NRP1: variants seen among roughly 807,000 people sequenced by gnomAD.
NRP1 encodes neuropilin-1.
A neutral mutation model predicts 106.7 loss-of-function variants in NRP1; 35 were observed. That is an observed-to-expected ratio of 0.33 (90% confidence interval 0.25 to 0.43). NRP1 has a LOEUF of 0.43. NRP1 is among the 20% of genes least tolerant of loss of function. The probability of loss-of-function intolerance (pLI) is 1.00; values close to 1 mark genes in which losing one functional copy is unlikely to be tolerated. For synonymous variants in NRP1, 437 were observed against 417.9 expected (o/e 1.05, Z -0.56); for missense variants, 1,024 against 1,170.4 (o/e 0.87, Z 1.83).
At chr10:33,310,807 T>C (rs1846552796) in intron 2 of NRP1, among the ~76,000 whole-genome samples, 1 of 152,244 alleles carries the variant, frequency 6.6e-6, no homozygotes, top group Admixed American at 6.5e-5. Flanking sequence ...CTAATGTATT[T>C]AGTTTTTAAC....
At chr10:33,316,163 C>T (rs2132835096) in intron 2 of NRP1, among the ~76,000 whole-genome samples, 1 of 152,308 alleles carries the variant, frequency 6.6e-6, no homozygotes, top group East Asian at 1.9e-4. Context: ...CTTCTGGAGG[C>T]TGATGCAATC....
chr10:33,191,522 C>T (rs1010262255), intron 13 of NRP1, among the ~76,000 whole-genome samples: 1 of 152,124 alleles, frequency 6.6e-6, no homozygotes, highest in East Asian at 1.9e-4. Context: ...TATGCTTGGA[C>T]TTGTTTGAAA....
chr10:33,317,378 A>T (rs11009338), intron 2 of NRP1, among the ~76,000 whole-genome samples: 38,667 of 152,234 alleles, frequency 0.25, 6,073 homozygotes, highest in Non-Finnish European at 0.36. Flanking sequence ...CATAACCAGA[A>T]ATGCAGGAAG....
intron 13 of NRP1, among the ~76,000 whole-genome samples, chr10:33,187,040 A>T (rs760999748): frequency 6.7e-6 from 1 of 148,416 alleles, no homozygotes; most frequent in Non-Finnish European, 1.5e-5. Context: ...AAAAAGATTA[A>T]TTTTTTTTTT....
Position 33,256,441 on chromosome 10 carries a change from T to G in NRP1, c.689A>C (p.Gln230Pro), listed in dbSNP as rs754150577. Reference protein sequence around the residue: ...VGPHIGRYCGQKTPGRIRSSS... With the variant: ...VGPHIGRYCGPKTPGRIRSSS... ...GGATCGGATTCGACCTGGTGTTTTCTGTCCACAGTAACGCCCAATGTGAGG... is the reference window on the plus strand; with the variant it reads ...GGATCGGATTCGACCTGGTGTTTTCGGTCCACAGTAACGCCCAATGTGAGG... The change falls in exon 5 of 17, where the codon CAG (glutamine) becomes CCG (proline). Residue 230 changes from glutamine (Q) to proline (P), a missense_variant. Physicochemically the swap from Gln to Pro is moderately conservative, Grantham distance 76. Coordinates refer to ENST00000374867, the MANE Select transcript of NRP1 (RefSeq NM_003873.7). The G allele has an allele frequency of 3.1e-6, 5 of 1,614,222 alleles. No homozygotes were observed. The South Asian group carries it at 4.4e-5, about 14-fold the overall frequency.
intron 7 of NRP1, among the ~76,000 whole-genome samples, chr10:33,222,935 C>T (rs1351382478): frequency 6.6e-6 from 1 of 152,230 alleles, no homozygotes; most frequent in Non-Finnish European, 1.5e-5. Flanking sequence ...CGGGGGGCTG[C>T]AGCAGCATTC....
At chr10:33,310,634 G>A (rs1214459940) in intron 2 of NRP1, among the ~76,000 whole-genome samples, 1 of 152,090 alleles carries the variant, frequency 6.6e-6, no homozygotes, top group Admixed American at 6.5e-5. Context: ...TAACATCCTG[G>A]CCTCCATCTC....
intron 2 of NRP1, among the ~76,000 whole-genome samples, chr10:33,284,330 T>C (rs1844356729): frequency 6.6e-6 from 1 of 152,234 alleles, no homozygotes; most frequent in Admixed American, 6.5e-5. Flanking sequence ...GACTGCCCTT[T>C]ATGCATAAAA....
In NRP1 at chr10:33,269,407, C is replaced by T. The variant is rs548957265; in HGVS notation, c.430+1268G>A. Among the ~76,000 whole-genome samples the T allele has an allele frequency of 2.6e-5, 4 of 152,352 alleles. No individual in the cohort carries two copies. The East Asian group carries it at 7.7e-4, about 29-fold the overall frequency. On this transcript the variant is annotated intron_variant, in intron 3 of 16. Coordinates refer to ENST00000374867, the MANE Select transcript of NRP1 (RefSeq NM_003873.7). ...CTCCTGGGCTCAGGCAGCCCTCCCACCTCAACCTCCTAAGTAGCTGGAACT... is the reference window on the plus strand; with the variant it reads ...CTCCTGGGCTCAGGCAGCCCTCCCATCTCAACCTCCTAAGTAGCTGGAACT...
chr10:33,279,345 G>A (rs1430925401), intron 2 of NRP1, among the ~76,000 whole-genome samples: 1 of 152,182 alleles, frequency 6.6e-6, no homozygotes, highest in Non-Finnish European at 1.5e-5. Context: ...GATCCTCCTG[G>A]AAGCTCACAC....
intron 11 of NRP1, among the ~76,000 whole-genome samples, chr10:33,200,690 C>A (rs1352494036): frequency 4.6e-5 from 7 of 152,148 alleles, no homozygotes; most frequent in Admixed American, 4.6e-4. Flanking sequence ...AAAAAGGATG[C>A]AAAATTGCTT....
chr10:33,255,383 G>A (rs1461243434), intron 5 of NRP1, among the ~76,000 whole-genome samples: 1 of 152,122 alleles, frequency 6.6e-6, no homozygotes, highest in African/African-American at 2.4e-5. Context: ...AACACCCCCT[G>A]TCCTCTCCCT....
intron 2 of NRP1, among the ~76,000 whole-genome samples, chr10:33,304,922 T>C (rs1315386523): frequency 6.6e-6 from 1 of 152,246 alleles, no homozygotes; most frequent in Non-Finnish European, 1.5e-5. Context: ...AGCAGAAGCA[T>C]CCATGCAACC....
intron 9 of NRP1, chr10:33,213,116 G>T: frequency 1.1e-6 from 1 of 871,794 alleles, no homozygotes; most frequent in Non-Finnish European, 1.7e-6. Context: ...GGGCTTCCCC[G>T]TCTCCTGTCT....
intron 8 of NRP1, among the ~76,000 whole-genome samples, chr10:33,216,597 G>A (rs1838795622): frequency 6.6e-6 from 1 of 151,900 alleles, no homozygotes; most frequent in South Asian, 2.1e-4. Flanking sequence ...AGGACTACAT[G>A]TGGATGCTAC....
intron 6 of NRP1, among the ~76,000 whole-genome samples, chr10:33,245,750 T>C (rs1160953855): frequency 6.7e-6 from 1 of 149,706 alleles, no homozygotes; most frequent in Non-Finnish European, 1.5e-5. Context: ...GACAAAAGGA[T>C]GCCTGTATCC....
intron 6 of NRP1, among the ~76,000 whole-genome samples, chr10:33,230,796 G>A (rs534230072): frequency 2.0e-5 from 3 of 152,134 alleles, no homozygotes; most frequent in African/African-American, 7.2e-5. Context: ...TTTCTGTAAG[G>A]CTTCTGTGCA....
chr10:33,185,491 A>T, intron 15 of NRP1, 137 bp downstream of exon 15: 1 of 637,524 alleles, frequency 1.6e-6, no homozygotes, highest in Non-Finnish European at 2.8e-6. Flanking sequence ...GTTGCACCAG[A>T]ATACGCATTT....
At chr10:33,223,966 G>A (rs918416674) in intron 7 of NRP1, among the ~76,000 whole-genome samples, 1 of 152,092 alleles carries the variant, frequency 6.6e-6, no homozygotes, top group African/African-American at 2.4e-5. Context: ...TGAAAATCAT[G>A]TTTTATACAC....
Sources: gnomAD v4.1 joint callset for allele counts (sites outside exome capture counted in the v4.1 genomes callset) on GRCh38, gnomAD v4.1.1 for gene constraint, MANE v1.5 for transcripts, NCBI Gene and HGNC (gene_info 2026-07-23, HGNC 2026-07-21) for gene names.